The following SLC9A9 variants were observed in gnomAD, a reference collection of about 807,000 sequenced individuals.
SLC9A9 encodes sodium/hydrogen exchanger 9.
Under a neutral mutation model 77.8 loss-of-function variants are expected in SLC9A9, and 62 were observed. That is an observed-to-expected ratio of 0.80 (90% CI 0.65 to 0.98). SLC9A9 has a LOEUF of 0.98. SLC9A9 is among the 50% of genes least tolerant of loss of function. SLC9A9 has a pLI of 0.00. For synonymous variants in SLC9A9, 320 were observed against 283.5 expected (o/e 1.13, Z -1.29); for missense variants, 775 against 774.9 (o/e 1.00, Z 0.00).
At chr3:143,446,939 CACAT>C (rs10592232) in intron 12 of SLC9A9, among the ~76,000 whole-genome samples, 6,187 of 152,098 alleles carry the variant, frequency 0.041, 444 homozygotes, top group African/African-American at 0.14. Context: ...TGTATGTACT[CACAT>C]GCATGTTTAG....
intron 14 of SLC9A9, among the ~76,000 whole-genome samples, chr3:143,281,230 A>G (rs77693876): frequency 0.012 from 1,896 of 152,320 alleles, 45 homozygotes; most frequent in African/African-American, 0.043. Context: ...AAGTTGCTAC[A>G]TGGAGGACAT....
intron 7 of SLC9A9, 113 bp from the exon 8 acceptor site, chr3:143,574,306 T>C (rs936833822): frequency 1.2e-6 from 1 of 867,698 alleles, no homozygotes; most frequent in South Asian, 1.4e-5. Context: ...GTAAAAGAAC[T>C]GATATTCAGA....
At position 143,684,948 on chromosome 3, in the gene SLC9A9, C is replaced by T. The variant is rs369336796; in HGVS notation, c.649+8244G>A. Among the ~76,000 whole-genome samples, 15 of 152,068 alleles carry T rather than the reference C, an allele frequency of 9.9e-5. No individual in the cohort carries two copies. The East Asian group carries it at 1.5e-3, about 16-fold the overall frequency. On this transcript the variant is annotated intron_variant, in intron 5 of 15. Coordinates refer to ENST00000316549, the MANE Select transcript of SLC9A9 (RefSeq NM_173653.4). ...GTATAATCTATGTGGTGCATTGTAT[C>T]TGTAATTAATACTGTATTTGTATTT... is the stretch of plus-strand genomic sequence containing the variant.
intron 14 of SLC9A9, among the ~76,000 whole-genome samples, chr3:143,295,086 C>T (rs1051998388): frequency 6.6e-6 from 1 of 152,098 alleles, no homozygotes; most frequent in African/African-American, 2.4e-5. Flanking sequence ...TTTGTTTTTC[C>T]TGCCTGATGT....
intron 13 of SLC9A9, 31 bp from the exon 14 acceptor site, chr3:143,363,594 G>A (rs1436425332): frequency 1.3e-6 from 2 of 1,573,602 alleles, no homozygotes; most frequent in Non-Finnish European, 1.7e-6. Context: ...AAGGCATTGG[G>A]TAAATAGTCA....
At chr3:143,477,978 T>G (rs1046706209) in intron 11 of SLC9A9, among the ~76,000 whole-genome samples, 3 of 152,362 alleles carry the variant, frequency 2.0e-5, no homozygotes, top group Admixed American at 2.0e-4. Flanking sequence ...CCTAACTTTC[T>G]GTGGCTTTCT....
At chr3:143,317,846 G>A (rs1156712062) in intron 14 of SLC9A9, among the ~76,000 whole-genome samples, 1 of 152,120 alleles carries the variant, frequency 6.6e-6, no homozygotes, top group Non-Finnish European at 1.5e-5. Context: ...TCCTGCTTCA[G>A]CCTCCCGAGT....
At chr3:143,417,875 G>C (rs2034226417) in intron 12 of SLC9A9, among the ~76,000 whole-genome samples, 1 of 151,978 alleles carries the variant, frequency 6.6e-6, no homozygotes, top group Non-Finnish European at 1.5e-5. Flanking sequence ...AAGGCCTACA[G>C]AGCCTCTAAG....
chr3:143,705,855 T>C (rs1188608867), intron 4 of SLC9A9, among the ~76,000 whole-genome samples: 1 of 152,302 alleles, frequency 6.6e-6, no homozygotes, highest in South Asian at 2.1e-4. Context: ...ACTAGGTCCA[T>C]GAAGAATGCA....
chr3:143,626,875 CCT>C, intron 6 of SLC9A9: 1 of 103,714 alleles, frequency 9.6e-6, no homozygotes, highest in Non-Finnish European at 2.0e-5. Context: ...TGCACTAGCT[CCT>C]TTTTTTTTTT....
chr3:143,848,454 A>G lies in SLC9A9; in HGVS notation c.-132T>C. 2 of 1,169,650 alleles carry G rather than the reference A, an allele frequency of 1.7e-6. No individual in the cohort carries two copies. Among genetic ancestry groups the G allele is most frequent in the Admixed American group, 3.7e-5 (2 of 54,376 alleles). 72.5% of individuals were successfully genotyped at this position (1,169,650 alleles called of 1,614,324 possible). ...CCACTTTAGTTGCTACTTCACAAGC[A>G]TTCTGCCCTGGCTTAGTATTCAGAT... On this transcript the variant is annotated 5_prime_UTR_variant, in exon 1 of 16. The change abolishes an upstream ATG in the 5' untranslated region. Transcript: ENST00000316549.
At chr3:143,808,038 A>G (rs2008770646) in intron 2 of SLC9A9, among the ~76,000 whole-genome samples, 1 of 152,244 alleles carries the variant, frequency 6.6e-6, no homozygotes. Context: ...GCAGTACCCA[A>G]GTATACTGGG....
intron 7 of SLC9A9, among the ~76,000 whole-genome samples, chr3:143,577,664 C>T (rs569754573): frequency 6.6e-6 from 1 of 152,136 alleles, no homozygotes; most frequent in Non-Finnish European, 1.5e-5. Context: ...TTCTTAGATA[C>T]CCCCAGTAGA....
At chr3:143,376,621 T>C (rs532050253) in intron 13 of SLC9A9, among the ~76,000 whole-genome samples, 5 of 152,316 alleles carry the variant, frequency 3.3e-5, no homozygotes, top group African/African-American at 9.6e-5. Context: ...TCCTACTTTC[T>C]AGAACATGTA....
intron 11 of SLC9A9, among the ~76,000 whole-genome samples, chr3:143,476,558 C>A (rs756680524): frequency 6.6e-6 from 1 of 152,100 alleles, no homozygotes; most frequent in African/African-American, 2.4e-5. Context: ...TAGTAAACTG[C>A]GGAATAATCA....
intron 6 of SLC9A9, among the ~76,000 whole-genome samples, chr3:143,634,009 T>C (rs1229502442): frequency 4.6e-5 from 7 of 152,314 alleles, no homozygotes; most frequent in Non-Finnish European, 7.4e-5. Context: ...TTCACATTCT[T>C]TCCCTCAGAA....
In SLC9A9 at chr3:143,718,717, C is replaced by T. The variant is rs959262616; in HGVS notation, c.534-25410G>A. On this transcript the variant is annotated intron_variant, in intron 4 of 15. Transcript: ENST00000316549. ...TCTGCAGCTGCTCACCTGGATCAGC[C>T]CACGCAGGCAGTATCTCGTGTATTG... Among the ~76,000 whole-genome samples, 3 of 152,196 alleles carry T rather than the reference C, an allele frequency of 2.0e-5. No homozygotes were observed. The East Asian group carries it at 5.8e-4, about 29-fold the overall frequency.
intron 6 of SLC9A9, among the ~76,000 whole-genome samples, chr3:143,633,984 C>T (rs1346865884): frequency 6.6e-6 from 1 of 152,166 alleles, no homozygotes; most frequent in African/African-American, 2.4e-5. Flanking sequence ...ATTGGAGGAA[C>T]AATCTGGCTT....
intron 4 of SLC9A9, among the ~76,000 whole-genome samples, chr3:143,767,479 G>C (rs191710741): frequency 2.6e-5 from 4 of 151,198 alleles, no homozygotes; most frequent in Non-Finnish European, 1.5e-5. Flanking sequence ...ATAGTTCCAC[G>C]GACAAATGTC....
Sources: gnomAD v4.1 joint callset for allele counts (sites outside exome capture counted in the v4.1 genomes callset) on GRCh38, gnomAD v4.1.1 for gene constraint, MANE v1.5 for transcripts, NCBI Gene and HGNC (gene_info 2026-07-23, HGNC 2026-07-21) for gene names.